Variants in SPOCK3 observed in about 807,000 individuals in gnomAD.
SPOCK3 encodes the protein SPARC (osteonectin), cwcv and kazal like domains proteoglycan 3, also known as testican-3.
A neutral mutation model predicts 56.6 loss-of-function variants in SPOCK3; 30 were observed. The ratio of observed to expected loss-of-function variants is 0.53; its 90% CI spans 0.40 to 0.72. The LOEUF (loss-of-function observed/expected upper bound fraction) is 0.72, where lower values mean the gene tolerates loss of function less well. Among genes scored for constraint, SPOCK3 ranks in the 30% least tolerant of loss-of-function variants. SPOCK3 has a pLI of 0.00. For missense variants in SPOCK3, 527 were observed against 530.0 expected, an observed-to-expected ratio of 0.99 and a Z score of 0.06; for synonymous variants, 196 against 183.3, an observed-to-expected ratio of 1.07 and a Z score of -0.56.
intron 3 of SPOCK3, among the ~76,000 whole-genome samples, chr4:167,042,457 A>G (rs1300716398): frequency 6.6e-6 from 1 of 152,170 alleles, no homozygotes; most frequent in Non-Finnish European, 1.5e-5. Context: ...GTGAAACTAT[A>G]AAGTTCAGAG....
At chr4:167,152,646 G>A (rs2150419421) in intron 2 of SPOCK3, among the ~76,000 whole-genome samples, 1 of 152,250 alleles carries the variant, frequency 6.6e-6, no homozygotes, top group Non-Finnish European at 1.5e-5. Context: ...GAAGTAAAAT[G>A]TAATTATGAG....
At chr4:166,956,620 C>T (rs1743507345) in intron 4 of SPOCK3, among the ~76,000 whole-genome samples, 1 of 152,108 alleles carries the variant, frequency 6.6e-6, no homozygotes. Context: ...TTTTGGAATG[C>T]AGTTGAAAAT....
chr4:167,202,522 T>C (rs1461186485), intron 2 of SPOCK3, among the ~76,000 whole-genome samples: 1 of 151,964 alleles, frequency 6.6e-6, no homozygotes, highest in East Asian at 1.9e-4. Context: ...GATTACCACA[T>C]GCATCCTAGC....
intron 2 of SPOCK3, among the ~76,000 whole-genome samples, chr4:167,200,945 A>G (rs572465642): frequency 6.6e-6 from 1 of 152,132 alleles, no homozygotes; most frequent in African/African-American, 2.4e-5. Context: ...GTATGCGGGC[A>G]CACCAGCTAT....
At chr4:166,789,666 C>A (rs1231296784) in intron 7 of SPOCK3, among the ~76,000 whole-genome samples, 1 of 151,118 alleles carries the variant, frequency 6.6e-6, no homozygotes, top group Non-Finnish European at 1.5e-5. Flanking sequence ...CTTTTTAGTT[C>A]CCCCTATTTT....
chr4:166,955,624 T>C (rs1375784371), intron 4 of SPOCK3, among the ~76,000 whole-genome samples: 1 of 146,242 alleles, frequency 6.8e-6, no homozygotes, highest in Non-Finnish European at 1.5e-5. Context: ...AAATTTAATA[T>C]AATTTAATTA....
chr4:166,946,450 G>A (rs779406979), intron 4 of SPOCK3, among the ~76,000 whole-genome samples: 3 of 152,154 alleles, frequency 2.0e-5, no homozygotes, highest in Non-Finnish European at 4.4e-5. Context: ...TGTTCCATGA[G>A]CATGCTAGCA....
chr4:167,093,616 A>G (rs971193037), intron 2 of SPOCK3, among the ~76,000 whole-genome samples: 2 of 152,226 alleles, frequency 1.3e-5, no homozygotes, highest in Non-Finnish European at 2.9e-5. Context: ...TGCAAAGGAC[A>G]TTAACTCATC....
intron 6 of SPOCK3, among the ~76,000 whole-genome samples, chr4:166,865,451 A>G (rs1731723909): frequency 6.6e-6 from 1 of 152,160 alleles, no homozygotes; most frequent in South Asian, 2.1e-4. Context: ...CAAGAGAAAG[A>G]AATAAAGTTT....
At chr4:166,807,168 T>C (rs1171918300) in intron 6 of SPOCK3, among the ~76,000 whole-genome samples, 1 of 152,036 alleles carries the variant, frequency 6.6e-6, no homozygotes, top group African/African-American at 2.4e-5. Flanking sequence ...ACCAAGAATG[T>C]ATACTTTGTT....
chr4:167,055,523 G>A (rs754730249), intron 3 of SPOCK3, among the ~76,000 whole-genome samples: 1 of 152,214 alleles, frequency 6.6e-6, no homozygotes, highest in African/African-American at 2.4e-5. Flanking sequence ...GGAAGCCCAA[G>A]GGGTCAGGGA....
intron 3 of SPOCK3, among the ~76,000 whole-genome samples, chr4:167,033,392 CATTATTATTATT>C (rs55774234): frequency 1.3e-4 from 19 of 146,554 alleles, no homozygotes; most frequent in East Asian, 4.0e-4. Context: ...AGCAATTATT[CATTATTATTATT>C]ATTATTATTA....
intron 2 of SPOCK3, among the ~76,000 whole-genome samples, chr4:167,174,872 C>T (rs1279589352): frequency 1.3e-5 from 2 of 152,080 alleles, no homozygotes; most frequent in African/African-American, 4.8e-5. Context: ...TCATGAGAAA[C>T]TAATCTTTTT....
At chr4:167,127,402 T>C (rs1157512081) in intron 2 of SPOCK3, among the ~76,000 whole-genome samples, 1 of 151,638 alleles carries the variant, frequency 6.6e-6, no homozygotes, top group Non-Finnish European at 1.5e-5. Context: ...ACCTAAAAGG[T>C]TGTTGGGGAA....
In SPOCK3 at chr4:166,866,854, A is replaced by T. The variant is rs1731900132; in HGVS notation, c.589+22276T>A. ...TTCATGAATGCATTATTACCTCATC[A>T]ACTCCATATTGCATGTCCGTGTTAT... On this transcript the variant is annotated intron_variant, in intron 6 of 10. Transcript: ENST00000357545. Among the ~76,000 whole-genome samples the T allele has an allele frequency of 3.9e-5, 6 of 152,088 alleles. No individual in the cohort carries two copies. In the South Asian group the frequency reaches 1.2e-3, roughly 31 times the overall value.
chr4:166,890,239 G>T (rs1734631523), intron 5 of SPOCK3, among the ~76,000 whole-genome samples: 1 of 151,834 alleles, frequency 6.6e-6, no homozygotes, highest in African/African-American at 2.4e-5. Context: ...AATGGAAAAA[G>T]ATAAATAAGT....
intron 6 of SPOCK3, among the ~76,000 whole-genome samples, chr4:166,879,550 C>A (rs541871390): frequency 6.6e-6 from 1 of 152,008 alleles, no homozygotes; most frequent in Non-Finnish European, 1.5e-5. Context: ...ATTTTGAGAA[C>A]TAAATGAAAT....
In SPOCK3 at chr4:166,945,170, T is replaced by C. The variant is rs1741574042; in HGVS notation, c.351-32427A>G. ...TGCAAGAAGCCTTGGCCTTTTTTGG[T>C]GGAGGATGATATTTAGAAACCAAGA... is the stretch of plus-strand genomic sequence containing the variant. On this transcript the variant is annotated intron_variant, in intron 4 of 10. Coordinates refer to ENST00000357545, the MANE Select transcript of SPOCK3 (RefSeq NM_001040159.2). 3.3e-5 allele frequency among the ~76,000 whole-genome samples: 5 copies of C among 152,216 alleles called. No individual in the cohort carries two copies. The South Asian group carries it at 1.0e-3, about 32-fold the overall frequency.
chr4:166,912,135 T>G (rs1185101346), intron 5 of SPOCK3, among the ~76,000 whole-genome samples: 2 of 152,126 alleles, frequency 1.3e-5, no homozygotes, highest in African/African-American at 4.8e-5. Flanking sequence ...AGAGATTATA[T>G]CAAATCCTAG....
Sources: gnomAD v4.1 joint callset for allele counts (sites outside exome capture counted in the v4.1 genomes callset) on GRCh38, gnomAD v4.1.1 for gene constraint, MANE v1.5 for transcripts, NCBI Gene and HGNC (gene_info 2026-07-23, HGNC 2026-07-21) for gene names.